Variants in EDIL3 observed in about 807,000 individuals in gnomAD.
EDIL3 encodes the protein EGF-like repeat and discoidin I-like domain-containing protein 3.
A neutral mutation model predicts 67.4 loss-of-function variants in EDIL3; 37 were observed. The observed-to-expected ratio is 0.55, with a 90% CI of 0.42 to 0.72. The LOEUF (loss-of-function observed/expected upper bound fraction) is 0.72, where lower values mean the gene tolerates loss of function less well. Ranked by LOEUF, EDIL3 falls within the 30% of genes least tolerant of loss-of-function variation. EDIL3 has a pLI of 0.00. For synonymous variants in EDIL3, 195 were observed against 196.3 expected (o/e 0.99, Z 0.05); for missense variants, 527 against 586.3 (o/e 0.90, Z 1.04).
rs73146546 is a variant in EDIL3, at chr5:84,376,837, A to T, written c.67+7471T>A. On this transcript the variant is annotated intron_variant, in intron 1 of 10. Coordinates refer to ENST00000296591, the MANE Select transcript of EDIL3 (RefSeq NM_005711.5). Reference sequence around the variant, plus strand: ...GCCCTAGCTCAGTAGAAAGCACAAAACATGAAACAAGAACTTGGTATATAA... The same window carrying T: ...GCCCTAGCTCAGTAGAAAGCACAAATCATGAAACAAGAACTTGGTATATAA... Among the ~76,000 whole-genome samples the T allele has an allele frequency of 2.3e-3, 348 of 152,340 alleles. 1 individual carries two copies. The highest frequency in any genetic ancestry group is 8.2e-3 in the African/African-American group (339 of 41,582).
At chr5:84,158,906 C>CTAA (rs1748540764) in intron 4 of EDIL3, among the ~76,000 whole-genome samples, 3 of 151,914 alleles carry the variant, frequency 2.0e-5, no homozygotes, top group African/African-American at 7.2e-5. Context: ...GGATATTGAT[C>CTAA]TAATAATCAT....
chr5:84,034,437 T>A (rs763021692), intron 9 of EDIL3, among the ~76,000 whole-genome samples: 3 of 152,158 alleles, frequency 2.0e-5, no homozygotes, highest in African/African-American at 4.8e-5. Flanking sequence ...AATGGAAACT[T>A]TATGCAACAG....
chr5:84,292,734 T>C (rs1489819661), intron 1 of EDIL3, among the ~76,000 whole-genome samples: 2 of 152,156 alleles, frequency 1.3e-5, no homozygotes, highest in African/African-American at 2.4e-5. Flanking sequence ...CATGGGTATA[T>C]TGAATAAGCC....
intron 1 of EDIL3, among the ~76,000 whole-genome samples, chr5:84,263,556 C>T (rs146045774): frequency 5.3e-5 from 8 of 152,266 alleles, no homozygotes; most frequent in African/African-American, 1.7e-4. Flanking sequence ...TCCTACTCTG[C>T]TACTCTCTAA....
intron 9 of EDIL3, among the ~76,000 whole-genome samples, chr5:83,974,632 C>T (rs999569850): frequency 6.6e-6 from 1 of 151,958 alleles, no homozygotes; most frequent in Admixed American, 6.6e-5. Flanking sequence ...TCTGGCAGGG[C>T]TATCTAGTTC....
intron 9 of EDIL3, among the ~76,000 whole-genome samples, chr5:83,996,024 TAG>T (rs1745233638): frequency 6.6e-6 from 1 of 152,128 alleles, no homozygotes; most frequent in African/African-American, 2.4e-5. Flanking sequence ...TTCATTTCAG[TAG>T]TCAAATTTAA....
intron 9 of EDIL3, among the ~76,000 whole-genome samples, chr5:84,039,508 A>C (rs1561411637): frequency 6.6e-6 from 1 of 152,196 alleles, no homozygotes; most frequent in Non-Finnish European, 1.5e-5. Context: ...GTATCTATTC[A>C]CCAGGAATAG....
intron 1 of EDIL3, among the ~76,000 whole-genome samples, chr5:84,273,690 T>C (rs920806763): frequency 2.6e-5 from 4 of 152,140 alleles, no homozygotes; most frequent in African/African-American, 9.7e-5. Flanking sequence ...TATGCAAATG[T>C]CCCTTTTAAT....
At chr5:84,060,248 T>A in intron 9 of EDIL3, 52 bp downstream of exon 9, 1 of 1,586,716 alleles carries the variant, frequency 6.3e-7, no homozygotes. Context: ...CAACAGGAAA[T>A]CTTCTAAGAA....
intron 1 of EDIL3, among the ~76,000 whole-genome samples, chr5:84,308,788 G>T (rs1400681077): frequency 6.6e-6 from 1 of 152,254 alleles, no homozygotes; most frequent in South Asian, 2.1e-4. Context: ...CAATTGGTCT[G>T]ATACATATTT....
At chr5:83,989,700 G>A (rs942704426) in intron 9 of EDIL3, among the ~76,000 whole-genome samples, 12 of 152,288 alleles carry the variant, frequency 7.9e-5, no homozygotes, top group African/African-American at 2.4e-4. Flanking sequence ...TGGTATTCTC[G>A]TACTTGTATA....
chr5:84,266,344 G>C (rs1745347126), intron 1 of EDIL3, among the ~76,000 whole-genome samples: 1 of 152,116 alleles, frequency 6.6e-6, no homozygotes, highest in Non-Finnish European at 1.5e-5. Context: ...GCCCCAACAT[G>C]AAAGAGGAGG....
At chr5:84,064,591 G>GA in intron 8 of EDIL3, 109 bp downstream of exon 8, 2 of 1,393,994 alleles carry the variant, frequency 1.4e-6, no homozygotes, top group Non-Finnish European at 1.9e-6. Context: ...TTTTTCCCCA[G>GA]AAAAAAATTT....
intron 1 of EDIL3, among the ~76,000 whole-genome samples, chr5:84,319,498 A>C (rs1278934795): frequency 3.9e-3 from 51 of 12,982 alleles, no homozygotes; most frequent in East Asian, 0.027. Context: ...AAACAACAAA[A>C]AAAAAAAAAA....
chr5:84,113,791 A>C (rs1747615592), intron 5 of EDIL3, among the ~76,000 whole-genome samples: 1 of 152,178 alleles, frequency 6.6e-6, no homozygotes, highest in African/African-American at 2.4e-5. Flanking sequence ...CTTCAGAATG[A>C]AAGGATTTCA....
In EDIL3 at chr5:84,013,882, A is replaced by T. The variant is rs185102299; in HGVS notation, c.1137+46418T>A. ...AGTCATTTAAATTAATTTGGTTGAA[A>T]AGTTGGTCATCCAATTATATTATAT... On this transcript the variant is annotated intron_variant, in intron 9 of 10. Coordinates refer to ENST00000296591, the MANE Select transcript of EDIL3 (RefSeq NM_005711.5). 4.5e-3 allele frequency among the ~76,000 whole-genome samples: 684 copies of T among 152,286 alleles called. 4 individuals are homozygous for T. Among genetic ancestry groups the T allele is most frequent in the African/African-American group, 0.015 (643 of 41,568 alleles).
intron 9 of EDIL3, among the ~76,000 whole-genome samples, chr5:84,021,879 T>C (rs1745722685): frequency 6.6e-6 from 1 of 151,840 alleles, no homozygotes; most frequent in African/African-American, 2.4e-5. Flanking sequence ...CACAGACCAA[T>C]AATGAATAGT....
At chr5:84,077,810 CTTTT>C (rs1241338113) in intron 6 of EDIL3, among the ~76,000 whole-genome samples, 1 of 151,854 alleles carries the variant, frequency 6.6e-6, no homozygotes, top group African/African-American at 2.4e-5. Context: ...CCTCCTCTTT[CTTTT>C]CTCTTCCACT....
Position 84,028,721 on chromosome 5 carries a change from G to A in EDIL3, c.1137+31579C>T, listed in dbSNP as rs113189300. ...GTGTAAAATATACAGTCACACACATGTATATATTCATGTAAACACGGAGTC... is the reference window on the plus strand; with the variant it reads ...GTGTAAAATATACAGTCACACACATATATATATTCATGTAAACACGGAGTC... On this transcript the variant is annotated intron_variant, in intron 9 of 10. Coordinates refer to ENST00000296591, the MANE Select transcript of EDIL3 (RefSeq NM_005711.5). Among the ~76,000 whole-genome samples, 154 of 151,430 alleles carry A rather than the reference G, an allele frequency of 1.0e-3. 1 individual carries two copies. Among genetic ancestry groups the A allele is most frequent in the African/African-American group, 3.4e-3 (143 of 41,460 alleles).
Sources: allele counts gnomAD v4.1 joint callset (sites outside exome capture counted in the v4.1 genomes callset), GRCh38; gene constraint gnomAD v4.1.1; transcripts MANE v1.5; gene names NCBI Gene and HGNC (gene_info 2026-07-23, HGNC 2026-07-21).